The following SKI variants were observed in gnomAD, a reference collection of about 807,000 sequenced individuals.
SKI encodes the protein ski oncogene.
SKI carries 23 observed loss-of-function variants against 59.3 expected under a neutral mutation model. The ratio of observed to expected loss-of-function variants is 0.39; its 90% CI spans 0.28 to 0.55. SKI has a LOEUF of 0.55. Ranked by LOEUF, SKI falls within the 20% of genes least tolerant of loss-of-function variation. The pLI is 0.67. For missense variants in SKI, 1,017 were observed against 1,038.9 expected, an observed-to-expected ratio of 0.98 and a Z score of 0.29; for synonymous variants, 673 against 488.6, an observed-to-expected ratio of 1.38 and a Z score of -4.98.
intron 1 of SKI, among the ~76,000 whole-genome samples, chr1:2,287,667 G>C (rs1018843802): frequency 2.0e-5 from 3 of 152,174 alleles, no homozygotes; most frequent in Admixed American, 6.5e-5. Flanking sequence ...TCTGCCGCAG[G>C]GGGGGTGTGG....
At chr1:2,246,147 C>T (rs1189974262) in intron 1 of SKI, among the ~76,000 whole-genome samples, 3 of 152,182 alleles carry the variant, frequency 2.0e-5, no homozygotes, top group Admixed American at 6.5e-5. Flanking sequence ...GCAGCATTTT[C>T]CACTCCCAGC....
intron 1 of SKI, among the ~76,000 whole-genome samples, chr1:2,293,956 G>A (rs1215266046): frequency 2.0e-5 from 3 of 152,258 alleles, no homozygotes; most frequent in East Asian, 3.8e-4. Flanking sequence ...CATGTGATGG[G>A]GGCCACTCTG....
At chr1:2,305,642 C>A (rs981017917) in intron 5 of SKI, among the ~76,000 whole-genome samples, 1 of 152,136 alleles carries the variant, frequency 6.6e-6, no homozygotes, top group Non-Finnish European at 1.5e-5. Context: ...TGGGGAGACC[C>A]GGGGCCCTCA....
At chr1:2,283,494 G>A (rs1052339227) in intron 1 of SKI, among the ~76,000 whole-genome samples, 3 of 152,216 alleles carry the variant, frequency 2.0e-5, no homozygotes, top group African/African-American at 7.2e-5. Context: ...CAACCATGTG[G>A]GCCGGGGCCA....
chr1:2,304,029 G>C lies in SKI; in HGVS notation c.1401G>C (p.Thr467=), dbSNP rs757915077. ...LTVDTPGAPE[T]LAPVAAPEED... The stretch of plus-strand genomic sequence containing the variant: ...TGGACACCCCAGGAGCCCCAGAGAC[G>C]CTGGCGCCCGTGGCTGCCCCAGAGG... Residue 467 remains threonine, a synonymous_variant, in exon 4 of 7, where the codon ACG becomes ACC. Coordinates refer to ENST00000378536, the MANE Select transcript of SKI (RefSeq NM_003036.4). 2 of 1,612,338 alleles carry C rather than the reference G, an allele frequency of 1.2e-6. No homozygotes were observed. The highest frequency in any genetic ancestry group is 2.7e-5 in the African/African-American group (2 of 74,930).
intron 1 of SKI, among the ~76,000 whole-genome samples, chr1:2,299,136 G>A (rs960099387): frequency 2.6e-5 from 4 of 152,266 alleles, no homozygotes; most frequent in Non-Finnish European, 4.4e-5. Context: ...CGTCAGCGCC[G>A]AGTGGCCAGC....
At chr1:2,271,066 G>A (rs1057198951) in intron 1 of SKI, among the ~76,000 whole-genome samples, 2 of 152,196 alleles carry the variant, frequency 1.3e-5, no homozygotes, top group Non-Finnish European at 2.9e-5. Flanking sequence ...GGGGGTTGGA[G>A]GGATGCGCGA....
At chr1:2,243,151 A>G (rs1341222648) in intron 1 of SKI, among the ~76,000 whole-genome samples, 3 of 152,198 alleles carry the variant, frequency 2.0e-5, no homozygotes, top group Non-Finnish European at 4.4e-5. Context: ...ATTTTGGAGT[A>G]TCCGTTGGTA....
At chr1:2,245,542 G>T (rs1024565000) in intron 1 of SKI, among the ~76,000 whole-genome samples, 2 of 152,052 alleles carry the variant, frequency 1.3e-5, no homozygotes, top group East Asian at 3.9e-4. Flanking sequence ...GCACGATCTC[G>T]GCTCACTGCA....
intron 1 of SKI, among the ~76,000 whole-genome samples, chr1:2,235,411 G>A (rs1638731917): frequency 6.6e-6 from 1 of 152,206 alleles, no homozygotes; most frequent in African/African-American, 2.4e-5. Flanking sequence ...CCCCCACTGT[G>A]CCACCTGTTC....
At chr1:2,230,913 A>G (rs1349128806) in intron 1 of SKI, among the ~76,000 whole-genome samples, 5 of 152,056 alleles carry the variant, frequency 3.3e-5, no homozygotes, top group East Asian at 3.9e-4. Flanking sequence ...GGGGCTGTGG[A>G]TGGAAGCGAG....
At chr1:2,285,069 G>A (rs1308923283) in intron 1 of SKI, among the ~76,000 whole-genome samples, 1 of 152,188 alleles carries the variant, frequency 6.6e-6, no homozygotes, top group Non-Finnish European at 1.5e-5. Context: ...GGGCAGTCGT[G>A]GCCAGGGTCA....
chr1:2,283,114 C>G (rs1054441562), intron 1 of SKI, among the ~76,000 whole-genome samples: 1 of 152,206 alleles, frequency 6.6e-6, no homozygotes, highest in Admixed American at 6.5e-5. Context: ...GAGGCGCCCC[C>G]ACCCGGCCCA....
rs1380936808 is a variant in SKI at position 2,260,526 on chromosome 1, G to GTTCTTT, written c.969+30800_969+30805dup. On this transcript the variant is annotated intron_variant, in intron 1 of 6. Coordinates refer to ENST00000378536, the MANE Select transcript of SKI (RefSeq NM_003036.4). ...TTTATGGGATCCAATTTTTCAGTTT[G>GTTCTTT]TTCTTTTTCTTTTTTTTTTTTTTTT... Among the ~76,000 whole-genome samples the GTTCTTT allele has an allele frequency of 1.8e-4, 14 of 76,382 alleles. 1 individual carries two copies. The highest frequency in any genetic ancestry group is 5.2e-4 in the African/African-American group (9 of 17,160). 50.1% of individuals were successfully genotyped at this position (76,382 alleles called of 152,430 possible).
At position 2,236,222 on chromosome 1, in the gene SKI, G is replaced by A. The variant is rs576632286; in HGVS notation, c.969+6487G>A. On this transcript the variant is annotated intron_variant, in intron 1 of 6. Coordinates refer to ENST00000378536, the MANE Select transcript of SKI (RefSeq NM_003036.4). Reference sequence around the variant, plus strand: ...TGGCCGTGGGGGTTGTTGCCTGTGTGGTTGTGTTGCTGGCTTCAGGGGCTA... The same window carrying A: ...TGGCCGTGGGGGTTGTTGCCTGTGTAGTTGTGTTGCTGGCTTCAGGGGCTA... Among the ~76,000 whole-genome samples the A allele has an allele frequency of 1.2e-4, 18 of 152,288 alleles. No homozygotes were observed. The East Asian group carries it at 3.3e-3, about 28-fold the overall frequency.
intron 1 of SKI, among the ~76,000 whole-genome samples, chr1:2,272,849 C>T (rs547499549): frequency 3.9e-4 from 59 of 152,206 alleles, no homozygotes; most frequent in African/African-American, 1.4e-3. Context: ...TCCCACGCCC[C>T]GAGCCTCGCC....
In SKI at chr1:2,304,017, AGCCCCAGAGACGCTGGCGCCCGTGGCT is replaced by A. The variant is rs775131591; in HGVS notation, c.1399_1425del (p.Thr467_Glu475del). ...GGAAGCTGACTGTGGACACCCCAGGAGCCCCAGAGACGCTGGCGCCCGTGGCTGCCCCAGAGGAGGACAAGGACTCGG... is the reference window on the plus strand; with the variant it reads ...GGAAGCTGACTGTGGACACCCCAGGAGCCCCAGAGGAGGACAAGGACTCGG... On this transcript the variant is annotated inframe_deletion, in exon 4 of 7. Transcript: ENST00000378536. 17 of 1,612,464 alleles carry A rather than the reference AGCCCCAGAGACGCTGGCGCCCGTGGCT, an allele frequency of 1.1e-5. No homozygotes were observed. The South Asian group carries it at 1.4e-4, about 14-fold the overall frequency.
intron 1 of SKI, among the ~76,000 whole-genome samples, chr1:2,299,797 G>T (rs1640379284): frequency 6.6e-6 from 1 of 152,204 alleles, no homozygotes; most frequent in Non-Finnish European, 1.5e-5. Context: ...CTTCTCAATG[G>T]CTCTTCTCTG....
intron 1 of SKI, among the ~76,000 whole-genome samples, chr1:2,291,722 G>T (rs774521938): frequency 2.6e-5 from 4 of 151,800 alleles, no homozygotes; most frequent in Non-Finnish European, 5.9e-5. Flanking sequence ...GCCCCCTGGG[G>T]CATGAGGAAG....
Sources: allele counts gnomAD v4.1 joint callset (sites outside exome capture counted in the v4.1 genomes callset), GRCh38; gene constraint gnomAD v4.1.1; transcripts MANE v1.5; gene names NCBI Gene and HGNC (gene_info 2026-07-23, HGNC 2026-07-21).